Variants in SMYD3 observed in about 807,000 individuals in gnomAD.
SMYD3 encodes SET and MYND domain containing 3.
Under a neutral mutation model 57.7 loss-of-function variants are expected in SMYD3, and 36 were observed. The ratio of observed to expected loss-of-function variants is 0.62; its 90% CI spans 0.48 to 0.82. The LOEUF (loss-of-function observed/expected upper bound fraction) is 0.82. Among genes scored for constraint, SMYD3 ranks in the 40% least tolerant of loss-of-function variants. The pLI is 0.00. For synonymous variants in SMYD3, 211 were observed against 195.0 expected (o/e 1.08, Z -0.68); for missense variants, 515 against 538.8 (o/e 0.96, Z 0.44).
At chr1:246,062,516 T>C (rs1011247855) in intron 5 of SMYD3, among the ~76,000 whole-genome samples, 1 of 152,236 alleles carries the variant, frequency 6.6e-6, no homozygotes, top group Admixed American at 6.5e-5. Flanking sequence ...GTGTCTGTTT[T>C]GGATTACAAT....
chr1:246,239,204 C>T (rs1416373087), intron 5 of SMYD3, among the ~76,000 whole-genome samples: 3 of 152,160 alleles, frequency 2.0e-5, no homozygotes, highest in Non-Finnish European at 2.9e-5. Context: ...CCCATTAACT[C>T]ATCATTTACA....
chr1:245,957,204 G>T (rs1462171306), intron 5 of SMYD3, among the ~76,000 whole-genome samples: 2 of 152,146 alleles, frequency 1.3e-5, no homozygotes, highest in African/African-American at 4.8e-5. Context: ...ATGAAATTGA[G>T]TATTATTCGG....
intron 5 of SMYD3, among the ~76,000 whole-genome samples, chr1:246,303,537 CT>C (rs1156784826): frequency 6.6e-6 from 1 of 151,970 alleles, no homozygotes; most frequent in Non-Finnish European, 1.5e-5. Flanking sequence ...TTGTTATACT[CT>C]TTTTTAAATT....
At chr1:246,177,949 C>T (rs2062462139) in intron 5 of SMYD3, among the ~76,000 whole-genome samples, 1 of 152,156 alleles carries the variant, frequency 6.6e-6, no homozygotes, top group Non-Finnish European at 1.5e-5. Flanking sequence ...TTGGTTCCTG[C>T]TTTCAAAAAG....
intron 1 of SMYD3, among the ~76,000 whole-genome samples, chr1:246,473,397 T>C (rs1218004943): frequency 6.6e-6 from 1 of 152,238 alleles, no homozygotes; most frequent in Non-Finnish European, 1.5e-5. Context: ...TGATTCCTTA[T>C]TACTTTTGCT....
chr1:246,411,141 G>C (rs2066961441), intron 1 of SMYD3, among the ~76,000 whole-genome samples: 1 of 151,860 alleles, frequency 6.6e-6, no homozygotes, highest in South Asian at 2.1e-4. Context: ...TTGATTTTTT[G>C]AAGGGTTTTT....
At position 246,076,020 on chromosome 1, in the gene SMYD3, T is replaced by C. The variant is rs921113615; in HGVS notation, c.532-146083A>G. Among the ~76,000 whole-genome samples, 15 of 151,594 alleles carry C rather than the reference T, an allele frequency of 9.9e-5. 1 individual carries two copies. Among genetic ancestry groups the C allele is most frequent in the African/African-American group, 3.6e-4 (15 of 41,364 alleles). On this transcript the variant is annotated intron_variant, in intron 5 of 11. Coordinates refer to ENST00000490107, the MANE Select transcript of SMYD3 (RefSeq NM_001167740.2). ...TAATATACAATAAAAATTTTTTTCA[T>C]GGAAAATAGTTTTGGAAATGCTACT... is the stretch of plus-strand genomic sequence containing the variant.
At chr1:246,067,612 A>C (rs1572970893) in intron 5 of SMYD3, among the ~76,000 whole-genome samples, 2 of 152,034 alleles carry the variant, frequency 1.3e-5, no homozygotes, top group Admixed American at 6.6e-5. Flanking sequence ...ATGCCCCCCC[A>C]CAGCCCACAG....
At chr1:246,361,053 G>A (rs567373485) in intron 1 of SMYD3, among the ~76,000 whole-genome samples, 7 of 152,204 alleles carry the variant, frequency 4.6e-5, no homozygotes, top group East Asian at 3.9e-4. Flanking sequence ...CTATACATCC[G>A]ACAAAGGACT....
intron 8 of SMYD3, among the ~76,000 whole-genome samples, chr1:245,888,521 T>C (rs918757305): frequency 6.6e-6 from 1 of 152,196 alleles, no homozygotes; most frequent in African/African-American, 2.4e-5. Context: ...ATTATGATAC[T>C]TGTATTTTCT....
intron 1 of SMYD3, among the ~76,000 whole-genome samples, chr1:246,497,716 G>A (rs1287005924): frequency 6.6e-6 from 1 of 152,078 alleles, no homozygotes; most frequent in Non-Finnish European, 1.5e-5. Context: ...AATTAGCTGG[G>A]TATGATGTTG....
At chr1:246,055,630 A>G (rs1221456961) in intron 5 of SMYD3, among the ~76,000 whole-genome samples, 3 of 152,216 alleles carry the variant, frequency 2.0e-5, no homozygotes, top group Non-Finnish European at 4.4e-5. Context: ...TGAATGGAGA[A>G]ATCAAATGTG....
chr1:245,992,228 G>A lies in SMYD3; in HGVS notation c.532-62291C>T, dbSNP rs1306498932. Among the ~76,000 whole-genome samples the A allele has an allele frequency of 8.2e-3, 484 of 59,368 alleles. 11 individuals are homozygous for A. Among genetic ancestry groups the A allele is most frequent in the Middle Eastern group, 0.016 (2 of 122 alleles). 38.9% of individuals were successfully genotyped at this position (59,368 alleles called of 152,430 possible). A position where few individuals can be genotyped will look rare whatever the true frequency, so the allele number is the denominator to read the frequency against. On this transcript the variant is annotated intron_variant, in intron 5 of 11. Transcript: ENST00000490107. ...CAACTTACAACTGAACCTCAGAAAC[G>A]GCCTGCCGTCATTTCTATCATATTC...
intron 5 of SMYD3, among the ~76,000 whole-genome samples, chr1:246,276,762 T>C (rs867641503): frequency 1.6e-5 from 2 of 128,014 alleles, no homozygotes; most frequent in South Asian, 3.4e-4. Context: ...ATACTAACTC[T>C]GTTTTTTCAC....
intron 10 of SMYD3, among the ~76,000 whole-genome samples, chr1:245,790,293 G>C (rs955051942): frequency 5.3e-5 from 8 of 152,180 alleles, no homozygotes; most frequent in African/African-American, 1.7e-4. Flanking sequence ...AAAGTCAAGA[G>C]TGTCCCAACT....
At chr1:245,824,715 G>A (rs533289274) in intron 10 of SMYD3, among the ~76,000 whole-genome samples, 39 of 152,276 alleles carry the variant, frequency 2.6e-4, no homozygotes, top group Non-Finnish European at 4.1e-4. Context: ...AATTAGCCAG[G>A]TGTGGTGGTG....
At chr1:245,900,894 G>A (rs1280531015) in intron 8 of SMYD3, among the ~76,000 whole-genome samples, 4 of 152,222 alleles carry the variant, frequency 2.6e-5, no homozygotes, top group Non-Finnish European at 5.9e-5. Flanking sequence ...GAATCCCAGG[G>A]CAGTTTCCCA....
At chr1:245,794,937 T>A (rs552789208) in intron 10 of SMYD3, among the ~76,000 whole-genome samples, 2 of 152,362 alleles carry the variant, frequency 1.3e-5, no homozygotes, top group Admixed American at 1.3e-4. Context: ...AAAACTTTTA[T>A]TCTATAATTT....
intron 5 of SMYD3, among the ~76,000 whole-genome samples, chr1:245,939,473 A>T (rs2147887898): frequency 6.6e-6 from 1 of 152,118 alleles, no homozygotes; most frequent in South Asian, 2.1e-4. Flanking sequence ...AAATACAAAA[A>T]ATTAGCTAGG....
Sources: allele counts gnomAD v4.1 joint callset (sites outside exome capture counted in the v4.1 genomes callset), GRCh38; gene constraint gnomAD v4.1.1; transcripts MANE v1.5; gene names NCBI Gene and HGNC (gene_info 2026-07-23, HGNC 2026-07-21).